RELN: variants seen among roughly 807,000 people sequenced by gnomAD.
RELN encodes the protein reelin.
RELN carries 108 observed loss-of-function variants against 427.6 expected under a neutral mutation model. The observed-to-expected ratio is 0.25, with a 90% CI of 0.22 to 0.30. RELN has a LOEUF of 0.30. Among genes scored for constraint, RELN ranks in the 10% least tolerant of loss-of-function variants. The pLI is 1.00. For missense variants in RELN, 3,715 were observed against 4,302.8 expected, an observed-to-expected ratio of 0.86 and a Z score of 3.82; for synonymous variants, 1,524 against 1,513.4, an observed-to-expected ratio of 1.01 and a Z score of -0.16.
At chr7:103,786,981 A>G (rs1792033857) in intron 3 of RELN, among the ~76,000 whole-genome samples, 1 of 152,208 alleles carries the variant, frequency 6.6e-6, no homozygotes, top group Admixed American at 6.5e-5. Flanking sequence ...ATGGAAAAGA[A>G]AGGAAATCAT....
At chr7:103,774,554 T>A (rs1295595776) in intron 4 of RELN, among the ~76,000 whole-genome samples, 1 of 152,164 alleles carries the variant, frequency 6.6e-6, no homozygotes, top group Non-Finnish European at 1.5e-5. Context: ...TGCTGTGGTA[T>A]ATGGTGACTG....
intron 2 of RELN, among the ~76,000 whole-genome samples, chr7:103,848,264 GA>G (rs1170949663): frequency 6.6e-6 from 1 of 152,170 alleles, no homozygotes; most frequent in East Asian, 1.9e-4. Flanking sequence ...ACACAGCACT[GA>G]GATATATTCT....
At chr7:103,868,469 T>C (rs942769921) in intron 2 of RELN, among the ~76,000 whole-genome samples, 1 of 152,118 alleles carries the variant, frequency 6.6e-6, no homozygotes, top group African/African-American at 2.4e-5. Flanking sequence ...TGTTTCCACA[T>C]CATTTCAGAA....
At chr7:103,766,275 G>A (rs951870062) in intron 4 of RELN, among the ~76,000 whole-genome samples, 1 of 152,156 alleles carries the variant, frequency 6.6e-6, no homozygotes, top group Non-Finnish European at 1.5e-5. Flanking sequence ...TAGCCAAGGG[G>A]AGCACAGATG....
At chr7:103,641,749 A>G (rs1253483458) in intron 16 of RELN, among the ~76,000 whole-genome samples, 1 of 152,240 alleles carries the variant, frequency 6.6e-6, no homozygotes, top group Non-Finnish European at 1.5e-5. Context: ...GTATTCCTTG[A>G]CACCCTCCTG....
intron 23 of RELN, 90 bp downstream of exon 23, chr7:103,604,256 T>A: frequency 1.4e-6 from 2 of 1,461,580 alleles, no homozygotes; most frequent in South Asian, 2.3e-5. Context: ...TATCGGTCTA[T>A]CCATGTCACT....
chr7:103,960,841 T>G (rs559072910), intron 1 of RELN, among the ~76,000 whole-genome samples: 1 of 152,228 alleles, frequency 6.6e-6, no homozygotes, highest in Non-Finnish European at 1.5e-5. Context: ...CAACTAGAAA[T>G]GGCAAAGCCA....
chr7:103,589,940 C>T, intron 27 of RELN, 112 bp from the exon 28 acceptor site: 2 of 724,508 alleles, frequency 2.8e-6, no homozygotes, highest in Non-Finnish European at 2.5e-6. Context: ...ACTGAATTTA[C>T]AATGATAGGA....
At position 103,640,447 on chromosome 7, in the gene RELN, C is replaced by T; in HGVS notation, c.2069+96G>A. 1 of 1,233,936 alleles carries T rather than the reference C, an allele frequency of 8.1e-7. No individual in the cohort carries two copies. Among genetic ancestry groups the T allele is most frequent in the Non-Finnish European group, 1.2e-6 (1 of 842,398 alleles). 76.4% of individuals were successfully genotyped at this position (1,233,936 alleles called of 1,614,324 possible). Reference sequence around the variant, plus strand: ...TCCAACTTTTTGTCTTAAAAAGATCCCCGATCCTAAAAAAGGTTATTAAAT... The same window carrying T: ...TCCAACTTTTTGTCTTAAAAAGATCTCCGATCCTAAAAAAGGTTATTAAAT... On this transcript the variant is annotated intron_variant, in intron 17 of 64. Transcript: ENST00000428762. The surrounding 1 kb of genome is among the most constrained non-coding windows in gnomAD (Gnocchi z 4.1).
At chr7:103,681,976 C>T (rs1356906822) in intron 11 of RELN, 140 bp downstream of exon 11, 2 of 826,204 alleles carry the variant, frequency 2.4e-6, no homozygotes, top group Non-Finnish European at 4.2e-6. Context: ...GTAAGTGCAC[C>T]CCTTTTGGCT....
intron 1 of RELN, among the ~76,000 whole-genome samples, chr7:103,946,229 T>C (rs1796217810): frequency 6.6e-6 from 1 of 152,220 alleles, no homozygotes; most frequent in African/African-American, 2.4e-5. Flanking sequence ...TAAGGTACTT[T>C]TACTTACTAA....
intron 17 of RELN, among the ~76,000 whole-genome samples, chr7:103,636,721 C>G (rs775633932): frequency 3.9e-5 from 6 of 152,156 alleles, no homozygotes; most frequent in Non-Finnish European, 8.8e-5. Flanking sequence ...AGCAATTTAT[C>G]TAAAATACAT....
chr7:103,809,722 A>T (rs1304751729), intron 3 of RELN, among the ~76,000 whole-genome samples: 1 of 152,222 alleles, frequency 6.6e-6, no homozygotes, highest in East Asian at 1.9e-4. Flanking sequence ...ATTGTAGATC[A>T]TTAACATGAC....
chr7:103,815,073 A>T (rs1792837949), intron 3 of RELN, among the ~76,000 whole-genome samples: 1 of 152,236 alleles, frequency 6.6e-6, no homozygotes. Flanking sequence ...GTCAGCTTTC[A>T]GCTGTCCAAC....
At chr7:103,961,990 G>A (rs1304244265) in intron 1 of RELN, among the ~76,000 whole-genome samples, 1 of 152,112 alleles carries the variant, frequency 6.6e-6, no homozygotes, top group East Asian at 1.9e-4. Context: ...GGGGTGAGGG[G>A]TGGAGAAGCC....
chr7:103,606,314 G>C (rs1831818010), intron 22 of RELN, among the ~76,000 whole-genome samples: 1 of 152,176 alleles, frequency 6.6e-6, no homozygotes, highest in Non-Finnish European at 1.5e-5. Context: ...TCAGTGAGTG[G>C]ATGAACAGGT....
chr7:103,593,936 A>G, intron 26 of RELN, 54 bp from the exon 27 acceptor site: 1 of 1,385,082 alleles, frequency 7.2e-7, no homozygotes, highest in Non-Finnish European at 1.0e-6. Flanking sequence ...TTTGAAAACA[A>G]GAAAGGAATT....
intron 20 of RELN, among the ~76,000 whole-genome samples, chr7:103,622,138 C>T (rs750428878): frequency 6.6e-6 from 1 of 152,218 alleles, no homozygotes; most frequent in East Asian, 1.9e-4. Flanking sequence ...GTTCAGTGGT[C>T]TGTCTCCTTA....
intron 3 of RELN, among the ~76,000 whole-genome samples, chr7:103,818,556 G>A (rs941856059): frequency 2.6e-5 from 4 of 152,134 alleles, no homozygotes; most frequent in African/African-American, 4.8e-5. Context: ...ATACGTCTTA[G>A]CTTTTAATTT....
Sources: allele counts gnomAD v4.1 joint callset (sites outside exome capture counted in the v4.1 genomes callset), GRCh38; gene constraint gnomAD v4.1.1; non-coding constraint Gnocchi (gnomAD v3.1); transcripts MANE v1.5; gene names NCBI Gene and HGNC (gene_info 2026-07-23, HGNC 2026-07-21).